DNAH7: variants seen among roughly 807,000 people sequenced by gnomAD.
DNAH7 encodes dynein axonemal heavy chain 7, also known as axonemal beta dynein heavy chain 7.
In DNAH7, 397 loss-of-function variants were observed where a neutral mutation model predicts 444.6. The observed-to-expected ratio is 0.89, with a 90% CI of 0.82 to 0.97. The LOEUF (loss-of-function observed/expected upper bound fraction) is 0.97. Ranked by LOEUF, DNAH7 falls within the 50% of genes least tolerant of loss-of-function variation. The pLI is 0.00. For synonymous variants in DNAH7, 1,636 were observed against 1,624.4 expected, an observed-to-expected ratio of 1.01 and a Z score of -0.17; for missense variants, 4,902 against 4,800.8, an observed-to-expected ratio of 1.02 and a Z score of -0.62.
intron 33 of DNAH7, among the ~76,000 whole-genome samples, chr2:195,888,019 A>G (rs1044444319): frequency 1.3e-5 from 2 of 152,174 alleles, no homozygotes; most frequent in Non-Finnish European, 2.9e-5. Flanking sequence ...ACATTTTGAC[A>G]TGGTTATGCG....
chr2:195,947,972 T>C (rs1242468508), intron 19 of DNAH7, among the ~76,000 whole-genome samples: 1 of 152,194 alleles, frequency 6.6e-6, no homozygotes, highest in Non-Finnish European at 1.5e-5. Flanking sequence ...CCTGACTTTT[T>C]AGTGATCACC....
chr2:195,989,377 T>C (rs373073565), intron 12 of DNAH7, among the ~76,000 whole-genome samples: 198 of 152,322 alleles, frequency 1.3e-3, no homozygotes, highest in African/African-American at 4.7e-3. Context: ...AGAACAGCTA[T>C]TCTAACTAGA....
intron 63 of DNAH7, among the ~76,000 whole-genome samples, chr2:195,749,727 C>G (rs1428233522): frequency 6.7e-6 from 1 of 150,346 alleles, no homozygotes; most frequent in African/African-American, 2.5e-5. Flanking sequence ...TAAACTATCG[C>G]AAGAACAAGA....
rs1057329279 is a variant in DNAH7 at position 195,972,534 on chromosome 2, A to T, written c.1834-68T>A. 2.8e-5 allele frequency: 33 copies of T among 1,169,112 alleles called. No individual in the cohort carries two copies. In the Middle Eastern group the frequency reaches 5.8e-4, roughly 21 times the overall value. The allele number at this position is 1,169,112 out of a possible 1,614,324, so 72.4% of individuals were successfully genotyped here. A position where few individuals can be genotyped will look rare whatever the true frequency, so the allele number is the denominator to read the frequency against. ...CTCATGTCACGAAACAGCCTGCGGA[A>T]ATACACTGTATAACTATGCACAGAC... On this transcript the variant is annotated intron_variant, in intron 15 of 64. Coordinates refer to ENST00000312428, the MANE Select transcript of DNAH7 (RefSeq NM_018897.3).
At chr2:196,008,045 T>A (rs1694492316) in intron 10 of DNAH7, among the ~76,000 whole-genome samples, 1 of 152,050 alleles carries the variant, frequency 6.6e-6, no homozygotes, top group Non-Finnish European at 1.5e-5. Context: ...CAAAGAACTC[T>A]TAAATCTCAA....
chr2:195,910,032 A>C lies in DNAH7; in HGVS notation c.4099T>G (p.Phe1367Val), dbSNP rs1274145327. ...GLDYLALGKFFKGLLSCGAWA... is the reference protein window; with the variant it reads ...GLDYLALGKFVKGLLSCGAWA... ...AATGAGGAGTTAATTCAAACCTTAA[A>C]GAATTTTCCCAAAGCCAAATAATCC... is the stretch of plus-strand genomic sequence containing the variant. Residue 1367 changes from phenylalanine to valine, a missense_variant, in exon 25 of 65, where the codon TTT (phenylalanine) becomes GTT (valine). By Grantham distance (50) the Phe-to-Val change is conservative. Transcript: ENST00000312428. The C allele has an allele frequency of 6.2e-7, 1 of 1,611,840 alleles. No individual in the cohort carries two copies. The highest frequency in any genetic ancestry group is 1.1e-5 in the South Asian group (1 of 90,628).
At chr2:195,789,484 A>G (rs1043171092) in intron 57 of DNAH7, among the ~76,000 whole-genome samples, 2 of 152,210 alleles carry the variant, frequency 1.3e-5, no homozygotes, top group East Asian at 1.9e-4. Flanking sequence ...AGAATCATCA[A>G]TGATTACTAA....
rs982176952 is a variant in DNAH7 at position 195,988,118 on chromosome 2, C to T, written c.1465G>A (p.Glu489Lys). The change falls in exon 13 of 65, where the codon GAG becomes AAG. Residue 489 changes from glutamate to lysine, a missense_variant. Physicochemically the swap from Glu to Lys is moderately conservative, Grantham distance 56. Coordinates refer to ENST00000312428, the MANE Select transcript of DNAH7 (RefSeq NM_018897.3). ...VIMKESVAPTEHLRLYDKYDF... is the reference protein window; with the variant it reads ...VIMKESVAPTKHLRLYDKYDF... ...TACTTGTCATAGAGTCTGAGGTGCTCAGTAGGTGCCACACTCTCTTTCATA... is the reference window on the plus strand; with the variant it reads ...TACTTGTCATAGAGTCTGAGGTGCTTAGTAGGTGCCACACTCTCTTTCATA... 5.6e-6 allele frequency: 9 copies of T among 1,613,728 alleles called. No homozygotes were observed. Among genetic ancestry groups the T allele is most frequent in the Non-Finnish European group, 7.6e-6 (9 of 1,179,758 alleles).
At chr2:196,034,544 A>T (rs577167968) in intron 5 of DNAH7, among the ~76,000 whole-genome samples, 1 of 152,318 alleles carries the variant, frequency 6.6e-6, no homozygotes, top group African/African-American at 2.4e-5. Flanking sequence ...CTCTAAATAT[A>T]TGTAGAAATG....
chr2:196,000,909 A>G (rs1693993818), intron 11 of DNAH7, 26 bp from the exon 12 acceptor site: 1 of 1,532,014 alleles, frequency 6.5e-7, no homozygotes, highest in Non-Finnish European at 8.8e-7. Flanking sequence ...AAATTTACAT[A>G]CATAAATATG....
chr2:195,825,987 C>T (rs951715826), intron 48 of DNAH7, among the ~76,000 whole-genome samples: 11 of 152,144 alleles, frequency 7.2e-5, no homozygotes, highest in African/African-American at 2.7e-4. Flanking sequence ...TTTCTACTTG[C>T]ATAAAATGAT....
In DNAH7 at chr2:195,888,462, A is replaced by G. The variant is rs1369441008; in HGVS notation, c.5230-28T>C. The G allele has an allele frequency of 1.9e-6, 3 of 1,567,500 alleles. No individual in the cohort carries two copies. In the South Asian group the frequency reaches 3.6e-5, roughly 19 times the overall value. On this transcript the variant is annotated intron_variant, in intron 32 of 64. Transcript: ENST00000312428. ...GGAAAGCCATAATTGGTTACCATCA[A>G]GGTAATAATGCTTATAAAATAAATA...
chr2:195,781,323 T>A (rs1342478244), intron 58 of DNAH7, among the ~76,000 whole-genome samples: 1 of 152,126 alleles, frequency 6.6e-6, no homozygotes, highest in Non-Finnish European at 1.5e-5. Context: ...GATGTAGACA[T>A]AGATGAGATA....
intron 36 of DNAH7, among the ~76,000 whole-genome samples, chr2:195,880,383 C>G (rs1701304534): frequency 6.8e-6 from 1 of 147,870 alleles, no homozygotes; most frequent in Non-Finnish European, 1.5e-5. Context: ...GGCTGGCGTG[C>G]AGTGGCGCGA....
intron 58 of DNAH7, among the ~76,000 whole-genome samples, chr2:195,783,505 A>G (rs1284575096): frequency 1.3e-5 from 2 of 152,078 alleles, no homozygotes; most frequent in Non-Finnish European, 2.9e-5. Context: ...CTGTCTTCAC[A>G]TGGCTGTCTT....
rs115772504 is a variant in DNAH7, at chr2:195,830,848, C to T, written c.9100+3358G>A. Among the ~76,000 whole-genome samples the T allele has an allele frequency of 5.5e-3, 839 of 152,314 alleles. 8 individuals carry two copies. The highest frequency in any genetic ancestry group is 0.019 in the African/African-American group (799 of 41,568). On this transcript the variant is annotated intron_variant, in intron 48 of 64. Coordinates refer to ENST00000312428, the MANE Select transcript of DNAH7 (RefSeq NM_018897.3). ...TTCTGCCCCTTTAACCTATAAGCTT[C>T]ATGAAACTAAAGACTGAGTCTGTCT...
chr2:195,988,262 A>T (rs1177092613), intron 12 of DNAH7, 33 bp from the exon 13 acceptor site: 1 of 1,513,102 alleles, frequency 6.6e-7, no homozygotes, highest in Admixed American at 2.2e-5. Flanking sequence ...TAGTATTTAA[A>T]ATATCTTAAA....
Position 195,822,577 on chromosome 2 carries a change from CTA to C in DNAH7, c.9291+1676_9291+1677del, listed in dbSNP as rs559667161. 9.3e-4 allele frequency among the ~76,000 whole-genome samples: 142 copies of C among 152,262 alleles called. 7 individuals carry two copies. Among genetic ancestry groups the C allele is most frequent in the Admixed American group, 8.5e-4 (13 of 15,300 alleles). Reference sequence around the variant, plus strand: ...TAAATGAAAGCAAGTAACTGCCTCACTATGTTTTCTAATCCCTGTTTAATCAA... The same window carrying C: ...TAAATGAAAGCAAGTAACTGCCTCACTGTTTTCTAATCCCTGTTTAATCAA... On this transcript the variant is annotated intron_variant, in intron 49 of 64. Transcript: ENST00000312428.
In DNAH7 at chr2:196,068,764, G is replaced by C; in HGVS notation, c.-53C>G. On this transcript the variant is annotated 5_prime_UTR_variant, in exon 1 of 65. Transcript: ENST00000312428. Reference sequence around the variant, plus strand: ...GTGCTTCTGGGTTGCTCCTGCCCGCGGAACCCCTAGGACGATAGAGGCAGG... The same window carrying C: ...GTGCTTCTGGGTTGCTCCTGCCCGCCGAACCCCTAGGACGATAGAGGCAGG... 1 of 1,548,048 alleles carries C rather than the reference G, an allele frequency of 6.5e-7. No homozygotes were observed. Among genetic ancestry groups the C allele is most frequent in the Non-Finnish European group, 8.7e-7 (1 of 1,146,006 alleles).
Sources: gnomAD v4.1 joint callset for allele counts (sites outside exome capture counted in the v4.1 genomes callset) on GRCh38, gnomAD v4.1.1 for gene constraint, MANE v1.5 for transcripts, NCBI Gene and HGNC (gene_info 2026-07-23, HGNC 2026-07-21) for gene names.